The following MCM3 variants were observed in gnomAD, a reference collection of about 807,000 sequenced individuals.
MCM3 encodes the protein DNA replication licensing factor MCM3.
A neutral mutation model predicts 91.3 loss-of-function variants in MCM3; 59 were observed. The observed-to-expected ratio is 0.65, with a 90% CI of 0.52 to 0.80. The LOEUF is 0.80. Ranked by LOEUF, MCM3 falls within the 30% of genes least tolerant of loss-of-function variation. The probability of loss-of-function intolerance (pLI) is 0.00; values close to 1 mark genes in which losing one functional copy is unlikely to be tolerated. For synonymous variants in MCM3, 383 were observed against 379.6 expected (o/e 1.01, Z -0.10); for missense variants, 919 against 1,035.4 (o/e 0.89, Z 1.54).
rs144657686 is a variant in MCM3 at position 52,281,792 on chromosome 6, C to T, written c.531+253G>A. 3.9e-5 allele frequency among the ~76,000 whole-genome samples: 6 copies of T among 152,268 alleles called. No homozygotes were observed. In the East Asian group the frequency reaches 1.2e-3, roughly 29 times the overall value. Reference sequence around the variant, plus strand: ...GCAAATTTAGTGCACCATGACTGCACCTGCAAATACCCACTGCACTCCAAC... The same window carrying T: ...GCAAATTTAGTGCACCATGACTGCATCTGCAAATACCCACTGCACTCCAAC... On this transcript the variant is annotated intron_variant, in intron 4 of 16. Coordinates refer to ENST00000596288, the MANE Select transcript of MCM3 (RefSeq NM_002388.6).
chr6:52,273,856 A>G lies in MCM3; in HGVS notation c.1435T>C (p.Phe479Leu). Residue 479 changes from phenylalanine to leucine, a missense_variant, in exon 10 of 17, where the codon TTT becomes CTT. By Grantham distance (22) the Phe-to-Leu change is conservative. Coordinates refer to ENST00000596288, the MANE Select transcript of MCM3 (RefSeq NM_002388.6). ...TCCAGCATGATGAAGAGCAAGTCAA[A>G]TCGTGACAGCAGTGAGTCCTGTAGC... is the stretch of plus-strand genomic sequence containing the variant. ...IGLQDSLLSR[F>L]DLLFIMLDQM... is the part of the protein sequence containing the mutation. 1 of 1,614,138 alleles carries G rather than the reference A, an allele frequency of 6.2e-7. No homozygotes were observed. The highest frequency in any genetic ancestry group is 8.5e-7 in the Non-Finnish European group (1 of 1,180,000).
Position 52,268,116 on chromosome 6 carries a change from G to A in MCM3, c.1969-148C>T, listed in dbSNP as rs1266388123. 4.7e-6 allele frequency: 5 copies of A among 1,053,284 alleles called. No homozygotes were observed. In the East Asian group the frequency reaches 1.2e-4, roughly 25 times the overall value. 65.2% of individuals were successfully genotyped at this position (1,053,284 alleles called of 1,614,324 possible). On this transcript the variant is annotated intron_variant, in intron 13 of 16. Transcript: ENST00000596288. ...TAGCTCCTCTTGTCCCTAAGTCCCA[G>A]GACCAGGGGCAGAAGTAGAGACTGC...
Position 52,282,111 on chromosome 6 carries a change from T to C in MCM3, c.465A>G (p.Ile155Met), listed in dbSNP as rs775667480. 19 of 1,613,938 alleles carry C rather than the reference T, an allele frequency of 1.2e-5. No individual in the cohort carries two copies. The South Asian group carries it at 1.8e-4, about 15-fold the overall frequency. The stretch of plus-strand genomic sequence containing the variant: ...TGGTGAGATCAGAATAACGTCGCTC[T>C]ATGGTCTTCTTAGTAGCAGGACAGT... ...VHYCPATKKT[I>M]ERRYSDLTTL... Residue 155 changes from isoleucine to methionine, a missense_variant, in exon 4 of 17, where the codon ATA (isoleucine) becomes ATG (methionine). Ile to Met is a conservative substitution (Grantham distance 10). Around this residue, in one of 3 missense-constraint regions of MCM3, gnomAD observed 401 missense variants for 402.7 expected, o/e 1.00. Transcript: ENST00000596288.
Position 52,279,353 on chromosome 6 carries a change from C to A in MCM3, c.770+8G>T. On this transcript the variant is annotated splice_region_variant and intron_variant, in intron 5 of 16. Coordinates refer to ENST00000596288, the MANE Select transcript of MCM3 (RefSeq NM_002388.6). ...AGCATTCCATATACTTTAAGGCAGA[C>A]CCTTTACCTGAAGGTCCCAGAGGTG... 1 of 1,607,918 alleles carries A rather than the reference C, an allele frequency of 6.2e-7. No homozygotes were observed. The highest frequency in any genetic ancestry group is 8.5e-7 in the Non-Finnish European group (1 of 1,174,862).
At chr6:52,274,329 C>T (rs1765381731) in intron 9 of MCM3, among the ~76,000 whole-genome samples, 3 of 152,156 alleles carry the variant, frequency 2.0e-5, no homozygotes, top group Admixed American at 2.0e-4. Context: ...GAGTCCCTTA[C>T]TCAGAAGATA....
In MCM3 at chr6:52,266,150, G is replaced by C. The variant is rs377708921; in HGVS notation, c.2159-6C>G. 7 of 1,611,950 alleles carry C rather than the reference G, an allele frequency of 4.3e-6. No homozygotes were observed. In the African/African-American group the frequency reaches 9.3e-5, roughly 22 times the overall value. On this transcript the variant is annotated splice_polypyrimidine_tract_variant and splice_region_variant and intron_variant, in intron 15 of 16. Coordinates refer to ENST00000596288, the MANE Select transcript of MCM3 (RefSeq NM_002388.6). ...TGCCGTCTTTGGAGTGTGTACTTCA[G>C]AGGGTTGATGGTTGTAGAGATGGGG...
Position 52,278,836 on chromosome 6 carries a change from G to A in MCM3, c.785C>T (p.Ala262Val). 1.2e-6 allele frequency: 2 copies of A among 1,612,398 alleles called. No homozygotes were observed. Among genetic ancestry groups the A allele is most frequent in the Non-Finnish European group, 1.7e-6 (2 of 1,178,576 alleles). The change falls in exon 6 of 17, where the codon GCC becomes GTC. Residue 262 changes from alanine to valine, a missense_variant. Transcript: ENST00000596288. ...TSGTFRTVLIACNVKQMSKDA... is the reference protein window; with the variant it reads ...TSGTFRTVLIVCNVKQMSKDA... ...CTTGCTCATCTGCTTAACATTACAGGCAATCAGGACAGTCCTGGGACAAAC... is the reference window on the plus strand; with the variant it reads ...CTTGCTCATCTGCTTAACATTACAGACAATCAGGACAGTCCTGGGACAAAC...
chr6:52,283,237 G>A, intron 2 of MCM3, 57 bp downstream of exon 2: 1 of 1,420,022 alleles, frequency 7.0e-7, no homozygotes, highest in Non-Finnish European at 1.0e-6. Context: ...TTCCAATCTG[G>A]CCAAGAGGGA....
Position 52,279,421 on chromosome 6 carries a change from A to G in MCM3, c.710T>C (p.Val237Ala). 6.2e-7 allele frequency: 1 copy of G among 1,614,154 alleles called. No individual in the cohort carries two copies. The highest frequency in any genetic ancestry group is 2.2e-5 in the East Asian group (1 of 44,884). ...AGGAAGGCAACGGTAGGTTCCCACCACCTGAACCCGGTCACCAGGCTTCGC... is the reference window on the plus strand; with the variant it reads ...AGGAAGGCAACGGTAGGTTCCCACCGCCTGAACCCGGTCACCAGGCTTCGC... ...DKAKPGDRVQ[V>A]VGTYRCLPGK... Residue 237 changes from valine to alanine, a missense_variant, in exon 5 of 17, where the codon GTG (valine) becomes GCG (alanine). By Grantham distance (64) the Val-to-Ala change is moderately conservative. Around this residue, in one of 3 missense-constraint regions of MCM3, gnomAD observed 401 missense variants for 402.7 expected, o/e 1.00. Transcript: ENST00000596288.
intron 9 of MCM3, chr6:52,276,059 T>C (rs1765528423): frequency 1.7e-6 from 1 of 572,142 alleles, no homozygotes; most frequent in South Asian, 2.1e-5. Context: ...AAAAAGTTAC[T>C]TTTAAATAAG....
intron 12 of MCM3, 32 bp from the exon 13 acceptor site, chr6:52,269,258 A>C: frequency 6.3e-7 from 1 of 1,588,848 alleles, no homozygotes. Flanking sequence ...TGCTTATCCC[A>C]AGTCTTTTAG....
At chr6:52,266,038 G>C (rs781609101) in intron 16 of MCM3, 37 bp downstream of exon 16, 1 of 1,589,258 alleles carries the variant, frequency 6.3e-7, no homozygotes. Context: ...GCGATACACA[G>C]AATTCTTGAA....
In MCM3 at chr6:52,276,422, C is replaced by T; in HGVS notation, c.1220G>A (p.Cys407Tyr). The T allele has an allele frequency of 1.2e-6, 2 of 1,614,218 alleles. No homozygotes were observed. Among genetic ancestry groups the T allele is most frequent in the Non-Finnish European group, 1.7e-6 (2 of 1,180,044 alleles). ...AMVLADRGVV[C>Y]IDEFDKMSDM... is the part of the protein sequence containing the mutation. Reference sequence around the variant, plus strand: ...AGACATTTTGTCAAATTCATCAATGCAAACCACGCCTCGGTCAGCCAGGAC... The same window carrying T: ...AGACATTTTGTCAAATTCATCAATGTAAACCACGCCTCGGTCAGCCAGGAC... Residue 407 changes from cysteine to tyrosine, a missense_variant, in exon 9 of 17, where the codon TGC (cysteine) becomes TAC (tyrosine). By Grantham distance (194) the Cys-to-Tyr change is radical. This residue lies in a region of MCM3 where 233 missense variants were observed against 321.2 expected (regional missense o/e 0.73). Coordinates refer to ENST00000596288, the MANE Select transcript of MCM3 (RefSeq NM_002388.6).
At chr6:52,284,546 C>T (rs1296801564) in intron 1 of MCM3, 51 bp downstream of exon 1, 2 of 1,529,120 alleles carry the variant, frequency 1.3e-6, no homozygotes, top group Admixed American at 3.9e-5. Context: ...GGCCGGGCCG[C>T]GTCCGCAGGG....
At chr6:52,278,919 G>A in intron 5 of MCM3, 69 bp from the exon 6 acceptor site, 1 of 1,105,882 alleles carries the variant, frequency 9.0e-7, no homozygotes, top group East Asian at 2.4e-5. Context: ...AGTACCCCTA[G>A]CAGGAGTAAG....
At chr6:52,272,511 G>A (rs949816390) in intron 11 of MCM3, 60 bp from the exon 12 acceptor site, 4 of 1,601,264 alleles carry the variant, frequency 2.5e-6, no homozygotes, top group Non-Finnish European at 3.4e-6. Flanking sequence ...GCCTGGATTA[G>A]TGGCTTTGCC....
intron 5 of MCM3, 60 bp from the exon 6 acceptor site, chr6:52,278,910 G>C: frequency 8.0e-7 from 1 of 1,248,220 alleles, no homozygotes; most frequent in East Asian, 2.4e-5. Context: ...TCAGTAGCTA[G>C]TACCCCTAGC....
At chr6:52,266,565 A>G (rs1167892473) in intron 15 of MCM3, 46 bp downstream of exon 15, 1 of 1,549,108 alleles carries the variant, frequency 6.5e-7, no homozygotes, top group Non-Finnish European at 8.9e-7. Context: ...GAAAAGTCCA[A>G]GAGTCACAGG....
chr6:52,270,910 T>G (rs1240894984), intron 12 of MCM3, among the ~76,000 whole-genome samples: 1 of 152,174 alleles, frequency 6.6e-6, no homozygotes, highest in African/African-American at 2.4e-5. Flanking sequence ...GCTCTGCGCA[T>G]GCTGTCACTG....
Sources: allele counts gnomAD v4.1 joint callset (sites outside exome capture counted in the v4.1 genomes callset), GRCh38; gene constraint gnomAD v4.1.1; regional missense constraint gnomAD v4.1.1; transcripts MANE v1.5; gene names NCBI Gene and HGNC (gene_info 2026-07-23, HGNC 2026-07-21).